LZTS1: variants seen among roughly 807,000 people sequenced by gnomAD.
The protein encoded by LZTS1 is leucine zipper tumor suppressor 1.
In LZTS1, 31 loss-of-function variants were observed where a neutral mutation model predicts 45.8. The ratio of observed to expected loss-of-function variants is 0.68; its 90% CI spans 0.51 to 0.91. The LOEUF is 0.91. Among genes scored for constraint, LZTS1 ranks in the 40% least tolerant of loss-of-function variants. The probability of loss-of-function intolerance (pLI) is 0.00; values close to 1 mark genes in which losing one functional copy is unlikely to be tolerated. For missense variants in LZTS1, 821 were observed against 788.9 expected (o/e 1.04, Z -0.49); for synonymous variants, 359 against 357.3 (o/e 1.00, Z -0.05).
At chr8:20,292,798 G>C (rs563300408) in intron 1 of LZTS1, among the ~76,000 whole-genome samples, 39 of 152,328 alleles carry the variant, frequency 2.6e-4, no homozygotes, top group African/African-American at 9.4e-4. Context: ...CAGCACGTTA[G>C]TAGAAAGAGC....
intron 1 of LZTS1, among the ~76,000 whole-genome samples, chr8:20,270,008 A>G (rs1257181136): frequency 1.3e-5 from 2 of 152,216 alleles, no homozygotes; most frequent in Admixed American, 6.5e-5. Context: ...TTACAGAGGT[A>G]CCCACCTCCT....
intron 1 of LZTS1, among the ~76,000 whole-genome samples, chr8:20,286,009 A>G (rs1437532774): frequency 2.0e-5 from 3 of 152,230 alleles, no homozygotes; most frequent in African/African-American, 7.2e-5. Context: ...ATATTTCCAG[A>G]TGATTGTAGA....
At position 20,252,794 on chromosome 8, in the gene LZTS1, C is replaced by A; in HGVS notation, c.1137G>T (p.Glu379Asp). 1 of 1,517,538 alleles carries A rather than the reference C, an allele frequency of 6.6e-7. No homozygotes were observed. The highest frequency in any genetic ancestry group is 2.3e-5 in the East Asian group (1 of 43,846). 94.0% of individuals were successfully genotyped at this position (1,517,538 alleles called of 1,614,324 possible). A position where few individuals can be genotyped will look rare whatever the true frequency, so the allele number is the denominator to read the frequency against. The part of the protein sequence containing the change: ...EKTSFGPALE[E>D]TQWEVCQKSG... ...TGTGTGGCCTCACCTCCCACTGGGTCTCCTCCAGCGCGGGGCCGAAGCTGG... is the reference window on the plus strand; with the variant it reads ...TGTGTGGCCTCACCTCCCACTGGGTATCCTCCAGCGCGGGGCCGAAGCTGG... Residue 379 changes from glutamate to aspartate, a missense_variant, in exon 3 of 4, where the codon GAG (glutamate) becomes GAT (aspartate). Physicochemically the swap from Glu to Asp is conservative, Grantham distance 45. Transcript: ENST00000381569.
At chr8:20,282,145 T>A (rs2128897520) in intron 1 of LZTS1, among the ~76,000 whole-genome samples, 1 of 152,304 alleles carries the variant, frequency 6.6e-6, no homozygotes, top group African/African-American at 2.4e-5. Context: ...CCACAGTCCT[T>A]TGACAGCCAT....
chr8:20,269,151 T>C (rs1281512685), intron 1 of LZTS1, among the ~76,000 whole-genome samples: 1 of 152,196 alleles, frequency 6.6e-6, no homozygotes, highest in Non-Finnish European at 1.5e-5. Flanking sequence ...TGCTGCTGTT[T>C]GTGCTGCGGC....
Position 20,253,574 on chromosome 8 carries a change from C to A in LZTS1, c.357G>T (p.Lys119Asn). ...TGAAGGCTGTGGGCCTCACTGCACC[C>A]TTCTCGGAGCCCTGTAGAGGAAAAG... ...FSNQLEMGSE[K>N]GAVRPTAFKP... is the part of the protein sequence containing the mutation. Residue 119 changes from lysine to asparagine, a missense_variant, in exon 3 of 4, where the codon AAG (lysine) becomes AAT (asparagine). Coordinates refer to ENST00000381569, the MANE Select transcript of LZTS1 (RefSeq NM_021020.5). 1 of 1,456,570 alleles carries A rather than the reference C, an allele frequency of 6.9e-7. No homozygotes were observed. The highest frequency in any genetic ancestry group is 9.0e-7 in the Non-Finnish European group (1 of 1,106,460). The allele number at this position is 1,456,570 out of a possible 1,614,324, so 90.2% of individuals were successfully genotyped here. A position where few individuals can be genotyped will look rare whatever the true frequency, so the allele number is the denominator to read the frequency against.
chr8:20,300,424 C>T (rs1483446096), intron 1 of LZTS1, among the ~76,000 whole-genome samples: 1 of 152,062 alleles, frequency 6.6e-6, no homozygotes, highest in Admixed American at 6.5e-5. Flanking sequence ...GCTCCCCCTC[C>T]CGGGTTCACG....
rs139460670 is a variant in LZTS1, at chr8:20,263,363, A to T, written c.-134-8048T>A. Among the ~76,000 whole-genome samples, 30 of 151,772 alleles carry T rather than the reference A, an allele frequency of 2.0e-4. No homozygotes were observed. In the East Asian group the frequency reaches 5.9e-3, roughly 30 times the overall value. On this transcript the variant is annotated intron_variant, in intron 1 of 3. Coordinates refer to ENST00000381569, the MANE Select transcript of LZTS1 (RefSeq NM_021020.5). ...TTTTTTTTTTTTGAGACCTCTTAAG[A>T]ATTTAATGAGAGCTGTCAACCCCCT...
intron 1 of LZTS1, among the ~76,000 whole-genome samples, chr8:20,263,682 G>A (rs1800291995): frequency 6.6e-6 from 1 of 152,142 alleles, no homozygotes; most frequent in Non-Finnish European, 1.5e-5. Flanking sequence ...GCCTGCAGCC[G>A]CTCCAATCCC....
At chr8:20,303,650 C>A in intron 1 of LZTS1, 90 bp downstream of exon 1, 1 of 965,784 alleles carries the variant, frequency 1.0e-6, no homozygotes, top group African/African-American at 1.8e-5. Context: ...GACGCACGGA[C>A]GGTCCGGCCC....
At chr8:20,289,293 A>T (rs6998516) in intron 1 of LZTS1, 1 of 152,044 alleles carries the variant, frequency 6.6e-6, no homozygotes, top group Non-Finnish European at 1.5e-5. Flanking sequence ...CTCTGGAGGC[A>T]TCCTTCTATC....
intron 1 of LZTS1, among the ~76,000 whole-genome samples, chr8:20,271,849 A>T (rs1166142664): frequency 6.6e-6 from 1 of 152,200 alleles, no homozygotes; most frequent in Non-Finnish European, 1.5e-5. Flanking sequence ...TGCTGGACAG[A>T]CTAGCCATAG....
chr8:20,300,553 C>CG (rs1231845653), intron 1 of LZTS1, among the ~76,000 whole-genome samples: 1 of 151,970 alleles, frequency 6.6e-6, no homozygotes, highest in Non-Finnish European at 1.5e-5. Flanking sequence ...AGGATGGTCT[C>CG]GATCTCCTGA....
chr8:20,265,090 C>T (rs115162951), intron 1 of LZTS1, among the ~76,000 whole-genome samples: 3,664 of 152,180 alleles, frequency 0.024, 145 homozygotes, highest in African/African-American at 0.084. Context: ...TGTCCCAGGT[C>T]GGGGAGCAAG....
intron 1 of LZTS1, among the ~76,000 whole-genome samples, chr8:20,302,022 G>A (rs1250315852): frequency 6.6e-6 from 1 of 151,898 alleles, no homozygotes. Context: ...CAGAGTGAGC[G>A]CCCCACACTC....
rs763241069 is a variant in LZTS1, at chr8:20,255,067, C to T, written c.115G>A (p.Asp39Asn). 5 of 1,614,202 alleles carry T rather than the reference C, an allele frequency of 3.1e-6. No individual in the cohort carries two copies. The highest frequency in any genetic ancestry group is 4.2e-6 in the Non-Finnish European group (5 of 1,180,042). The part of the protein sequence containing the change: ...SHLKKLNRYS[D>N]GLLRFGFSQD... The stretch of plus-strand genomic sequence containing the variant: ...GAGAAGCCAAACCTCAGCAGCCCGT[C>T]GGAATACCGGTTGAGCTTCTTGAGG... Residue 39 changes from aspartate to asparagine, a missense_variant, in exon 2 of 4, where the codon GAC (aspartate) becomes AAC (asparagine). Asp to Asn is a conservative substitution (Grantham distance 23, BLOSUM62 1). Transcript: ENST00000381569.
At chr8:20,267,665 A>G (rs13266645) in intron 1 of LZTS1, among the ~76,000 whole-genome samples, 57,384 of 151,958 alleles carry the variant, frequency 0.38, 11,521 homozygotes, top group East Asian at 0.49. Flanking sequence ...ACAGGCGCTC[A>G]CGCCACCATG....
intron 3 of LZTS1, among the ~76,000 whole-genome samples, chr8:20,251,168 T>C (rs1799898443): frequency 7.7e-6 from 1 of 129,162 alleles, no homozygotes. Context: ...AGTATAAGAG[T>C]AGAGATTTGA....
At position 20,284,659 on chromosome 8, in the gene LZTS1, C is replaced by T. The variant is rs552445459; in HGVS notation, c.-135+19081G>A. Among the ~76,000 whole-genome samples, 11 of 152,174 alleles carry T rather than the reference C, an allele frequency of 7.2e-5. No homozygotes were observed. The East Asian group carries it at 1.9e-3, about 27-fold the overall frequency. On this transcript the variant is annotated intron_variant, in intron 1 of 3. Coordinates refer to ENST00000381569, the MANE Select transcript of LZTS1 (RefSeq NM_021020.5). ...GTACTAAGCCACACTCTGTGGTTCT[C>T]GCCTCTGCATTTGCTCATTTTCACC... is the stretch of plus-strand genomic sequence containing the variant.
Sources: gnomAD v4.1 joint callset for allele counts (sites outside exome capture counted in the v4.1 genomes callset) on GRCh38, gnomAD v4.1.1 for gene constraint, MANE v1.5 for transcripts, NCBI Gene and HGNC (gene_info 2026-07-23, HGNC 2026-07-21) for gene names.